The following SLC9A9 variants were observed in gnomAD, a reference collection of about 807,000 sequenced individuals.
SLC9A9 encodes sodium/hydrogen exchanger 9.
SLC9A9 carries 62 observed loss-of-function variants against 77.8 expected under a neutral mutation model. That is an observed-to-expected ratio of 0.80 (90% CI 0.65 to 0.98). The LOEUF (loss-of-function observed/expected upper bound fraction) is 0.98. Among genes scored for constraint, SLC9A9 ranks in the 50% least tolerant of loss-of-function variants. The pLI is 0.00. For synonymous variants in SLC9A9, 320 were observed against 283.5 expected (o/e 1.13, Z -1.29); for missense variants, 775 against 774.9 (o/e 1.00, Z 0.00).
At chr3:143,832,656 T>C (rs991248744) in intron 1 of SLC9A9, among the ~76,000 whole-genome samples, 4 of 151,960 alleles carry the variant, frequency 2.6e-5, no homozygotes, top group East Asian at 1.9e-4. Flanking sequence ...CACCCCATGG[T>C]TGGGGTGAGA....
chr3:143,556,969 T>A (rs2036993821), intron 8 of SLC9A9, among the ~76,000 whole-genome samples: 2 of 152,068 alleles, frequency 1.3e-5, no homozygotes, highest in Admixed American at 6.6e-5. Context: ...GTACCTATGG[T>A]TGGAATTGGT....
At chr3:143,291,614 C>T (rs1173834222) in intron 14 of SLC9A9, among the ~76,000 whole-genome samples, 1 of 152,152 alleles carries the variant, frequency 6.6e-6, no homozygotes, top group East Asian at 1.9e-4. Context: ...AAAGGACAAA[C>T]CCAACTTAAA....
intron 9 of SLC9A9, chr3:143,518,314 C>T (rs1470679028): frequency 1.2e-6 from 1 of 806,374 alleles, no homozygotes; most frequent in African/African-American, 1.7e-5. Flanking sequence ...GCAGAAAGGG[C>T]TGTTTAACTA....
intron 6 of SLC9A9, among the ~76,000 whole-genome samples, chr3:143,631,399 T>C (rs1444669319): frequency 7.2e-5 from 11 of 152,180 alleles, no homozygotes; most frequent in Admixed American, 7.2e-4. Context: ...TTTAATTCTT[T>C]TTGATAGTTT....
intron 6 of SLC9A9, among the ~76,000 whole-genome samples, chr3:143,647,638 C>T (rs1378624582): frequency 6.6e-6 from 1 of 152,124 alleles, no homozygotes; most frequent in African/African-American, 2.4e-5. Context: ...TCTATGACTC[C>T]TAAGAATACG....
intron 4 of SLC9A9, among the ~76,000 whole-genome samples, chr3:143,701,686 C>A (rs1933806199): frequency 6.6e-6 from 1 of 151,708 alleles, no homozygotes; most frequent in Non-Finnish European, 1.5e-5. Context: ...CTCAAAAGGG[C>A]AAATTTAAGA....
intron 11 of SLC9A9, among the ~76,000 whole-genome samples, chr3:143,474,128 C>T (rs370184841): frequency 5.9e-5 from 9 of 152,154 alleles, no homozygotes; most frequent in African/African-American, 1.9e-4. Flanking sequence ...TTCTAGGCTT[C>T]GGGAATAGTA....
chr3:143,655,166 C>T (rs1317094919), intron 5 of SLC9A9, among the ~76,000 whole-genome samples: 1 of 152,210 alleles, frequency 6.6e-6, no homozygotes, highest in Non-Finnish European at 1.5e-5. Flanking sequence ...GAGCTTGGAG[C>T]TTTTAAAAAA....
chr3:143,799,390 A>G (rs1478238679), intron 2 of SLC9A9, among the ~76,000 whole-genome samples: 2 of 152,234 alleles, frequency 1.3e-5, no homozygotes, highest in East Asian at 1.9e-4. Flanking sequence ...TTCAAGGTGT[A>G]CAATAATAGA....
chr3:143,711,362 C>A (rs915982062), intron 4 of SLC9A9, among the ~76,000 whole-genome samples: 1 of 151,850 alleles, frequency 6.6e-6, no homozygotes, highest in African/African-American at 2.4e-5. Flanking sequence ...GGAGAAACCA[C>A]CAAAATGCTT....
chr3:143,806,891 C>T (rs2008731515), intron 2 of SLC9A9, among the ~76,000 whole-genome samples: 1 of 152,052 alleles, frequency 6.6e-6, no homozygotes, highest in African/African-American at 2.4e-5. Flanking sequence ...ATGTGTATAG[C>T]ACAAAGAAAT....
At chr3:143,358,025 CTTT>C (rs5853107) in intron 14 of SLC9A9, among the ~76,000 whole-genome samples, 97 of 145,030 alleles carry the variant, frequency 6.7e-4, no homozygotes, top group African/African-American at 2.2e-3. Flanking sequence ...TTTTTCTTTC[CTTT>C]TTTTTTTTTT....
At chr3:143,421,101 A>G (rs2034289840) in intron 12 of SLC9A9, among the ~76,000 whole-genome samples, 1 of 152,192 alleles carries the variant, frequency 6.6e-6, no homozygotes, top group Non-Finnish European at 1.5e-5. Context: ...AGAGATCTCT[A>G]CAAGAACTAC....
Position 143,365,746 on chromosome 3 carries a change from G to A in SLC9A9, c.1525-2183C>T, listed in dbSNP as rs1379409857. On this transcript the variant is annotated intron_variant, in intron 13 of 15. Coordinates refer to ENST00000316549, the MANE Select transcript of SLC9A9 (RefSeq NM_173653.4). The stretch of plus-strand genomic sequence containing the variant: ...TCAAAGCATTTCTACCCCAGCAAAG[G>A]TATCAGATTTGCAAAATGACTGTTG... 2.0e-5 allele frequency among the ~76,000 whole-genome samples: 3 copies of A among 152,276 alleles called. No homozygotes were observed. The East Asian group carries it at 5.8e-4, about 29-fold the overall frequency.
At chr3:143,514,985 C>A (rs1277798700) in intron 9 of SLC9A9, among the ~76,000 whole-genome samples, 2 of 152,158 alleles carry the variant, frequency 1.3e-5, no homozygotes, top group Non-Finnish European at 2.9e-5. Flanking sequence ...TTTTGACATG[C>A]CTTCCTCACT....
chr3:143,723,253 A>G (rs75812677), intron 4 of SLC9A9, among the ~76,000 whole-genome samples: 1 of 150,050 alleles, frequency 6.7e-6, no homozygotes, highest in African/African-American at 2.5e-5. Flanking sequence ...CAATAAGCAG[A>G]AAAAAAAAAT....
intron 9 of SLC9A9, among the ~76,000 whole-genome samples, chr3:143,519,728 C>T (rs1038105706): frequency 1.4e-4 from 21 of 151,666 alleles, no homozygotes; most frequent in Non-Finnish European, 4.4e-5. Context: ...GGCAATGGGG[C>T]GAGTGAGAAG....
chr3:143,615,139 A>T (rs879359080), intron 6 of SLC9A9, among the ~76,000 whole-genome samples: 7 of 152,180 alleles, frequency 4.6e-5, no homozygotes, highest in Non-Finnish European at 7.3e-5. Context: ...TACTAAACCT[A>T]GCAGACCCAG....
At chr3:143,828,735 G>T (rs1576756611) in intron 2 of SLC9A9, among the ~76,000 whole-genome samples, 1 of 152,170 alleles carries the variant, frequency 6.6e-6, no homozygotes, top group South Asian at 2.1e-4. Context: ...TAGGTGAAAG[G>T]AATGACAGGT....
Sources: gnomAD v4.1 joint callset for allele counts (sites outside exome capture counted in the v4.1 genomes callset) on GRCh38, gnomAD v4.1.1 for gene constraint, MANE v1.5 for transcripts, NCBI Gene and HGNC (gene_info 2026-07-23, HGNC 2026-07-21) for gene names.